GPR158: variants seen among roughly 807,000 people sequenced by gnomAD.
The protein encoded by GPR158 is G protein-coupled receptor 158.
A neutral mutation model predicts 78.2 loss-of-function variants in GPR158; 30 were observed. That is an observed-to-expected ratio of 0.38 (90% CI 0.29 to 0.52). The LOEUF (loss-of-function observed/expected upper bound fraction) is 0.52, where lower values mean the gene tolerates loss of function less well. Among genes scored for constraint, GPR158 ranks in the 20% least tolerant of loss-of-function variants. GPR158 has a pLI of 0.83. For missense variants in GPR158, 1,463 were observed against 1,523.5 expected (o/e 0.96, Z 0.66); for synonymous variants, 581 against 591.1 (o/e 0.98, Z 0.25).
At chr10:25,239,381 T>G in intron 2 of GPR158, among the ~76,000 whole-genome samples, 1 of 151,886 alleles carries the variant, frequency 6.6e-6, no homozygotes, top group Non-Finnish European at 1.5e-5. Flanking sequence ...CAGGCAGATC[T>G]CCTGAGAGAT....
chr10:25,348,188 T>C (rs2130515096), intron 2 of GPR158, among the ~76,000 whole-genome samples: 1 of 152,036 alleles, frequency 6.6e-6, no homozygotes, highest in Admixed American at 6.6e-5. Flanking sequence ...GTAGGTTATA[T>C]AGGTTTTCAT....
At chr10:25,208,060 T>C (rs1223958623) in intron 1 of GPR158, among the ~76,000 whole-genome samples, 2 of 152,188 alleles carry the variant, frequency 1.3e-5, no homozygotes. Flanking sequence ...TAAACACTTG[T>C]AGGAGTTTAA....
chr10:25,517,937 A>G (rs1836204978), intron 5 of GPR158, among the ~76,000 whole-genome samples: 1 of 106,954 alleles, frequency 9.3e-6, no homozygotes, highest in Non-Finnish European at 1.9e-5. Flanking sequence ...GAATAGTTTC[A>G]GAAGGAATGG....
intron 2 of GPR158, among the ~76,000 whole-genome samples, chr10:25,263,145 T>C (rs1392858195): frequency 6.6e-6 from 1 of 152,240 alleles, no homozygotes; most frequent in African/African-American, 2.4e-5. Context: ...GCTTATGTTA[T>C]CCTCAAGGAG....
chr10:25,472,704 T>C (rs1476635265), intron 5 of GPR158, among the ~76,000 whole-genome samples: 2 of 152,216 alleles, frequency 1.3e-5, no homozygotes, highest in Admixed American at 6.5e-5. Context: ...GATTCCTAGG[T>C]ATTTTATTCT....
At chr10:25,244,747 G>T (rs1853667292) in intron 2 of GPR158, 1 of 152,124 alleles carries the variant, frequency 6.6e-6, no homozygotes, top group Non-Finnish European at 1.5e-5. Flanking sequence ...ATACATATTG[G>T]AGGGTTATGA....
chr10:25,205,669 CA>C (rs1317840839), intron 1 of GPR158, among the ~76,000 whole-genome samples: 2 of 152,058 alleles, frequency 1.3e-5, no homozygotes, highest in African/African-American at 4.8e-5. Flanking sequence ...GCCCTAATGT[CA>C]TTGTTTTACC....
intron 2 of GPR158, among the ~76,000 whole-genome samples, chr10:25,291,352 T>C (rs1854433527): frequency 6.6e-6 from 1 of 152,098 alleles, no homozygotes; most frequent in Non-Finnish European, 1.5e-5. Context: ...GATCAATTTC[T>C]GATTTATCGT....
At chr10:25,502,674 A>T (rs975910494) in intron 5 of GPR158, among the ~76,000 whole-genome samples, 1 of 152,180 alleles carries the variant, frequency 6.6e-6, no homozygotes, top group Non-Finnish European at 1.5e-5. Context: ...CACCATCTAT[A>T]GGCAGGACCA....
intron 1 of GPR158, among the ~76,000 whole-genome samples, chr10:25,194,702 A>G (rs909767351): frequency 2.6e-5 from 4 of 152,160 alleles, no homozygotes; most frequent in Non-Finnish European, 5.9e-5. Context: ...TTTAGGAAAT[A>G]AAATCATCAT....
At chr10:25,260,925 A>G (rs1002740991) in intron 2 of GPR158, among the ~76,000 whole-genome samples, 5 of 152,286 alleles carry the variant, frequency 3.3e-5, no homozygotes, top group African/African-American at 9.6e-5. Context: ...AAAGTTTTCA[A>G]TTGGCATTTT....
chr10:25,445,777 CACAG>C (rs1436803137), intron 4 of GPR158, among the ~76,000 whole-genome samples: 6 of 151,908 alleles, frequency 3.9e-5, no homozygotes, highest in African/African-American at 1.4e-4. Context: ...GGGAGACAGA[CACAG>C]ACAGACAGAC....
Position 25,598,029 on chromosome 10 carries a change from A to G in GPR158, c.2403A>G (p.Lys801=). 6.2e-7 allele frequency: 1 copy of G among 1,614,094 alleles called. No individual in the cohort carries two copies. The highest frequency in any genetic ancestry group is 8.5e-7 in the Non-Finnish European group (1 of 1,180,016). ...NPPESSGNTG[K]SKEETLKNRV... ...CAGAGTCTTCAGGGAACACAGGGAAATCCAAGGAGGAGACCCTGAAAAACC... is the reference window on the plus strand; with the variant it reads ...CAGAGTCTTCAGGGAACACAGGGAAGTCCAAGGAGGAGACCCTGAAAAACC... The change falls in exon 11 of 11, where the codon AAA becomes AAG. Residue 801 remains lysine (K), a synonymous_variant. Transcript: ENST00000376351.
chr10:25,516,916 T>A (rs1378207382), intron 5 of GPR158, among the ~76,000 whole-genome samples: 3 of 144,560 alleles, frequency 2.1e-5, no homozygotes, highest in African/African-American at 8.1e-5. Flanking sequence ...AGAAAGTCAT[T>A]GGTAGCTTGA....
intron 2 of GPR158, among the ~76,000 whole-genome samples, chr10:25,346,958 A>G (rs1487980430): frequency 6.6e-6 from 1 of 151,956 alleles, no homozygotes; most frequent in Non-Finnish European, 1.5e-5. Context: ...TGGAAATGTT[A>G]CTTTACCTCC....
intron 5 of GPR158, among the ~76,000 whole-genome samples, chr10:25,476,712 C>A (rs2130630704): frequency 6.6e-6 from 1 of 152,184 alleles, no homozygotes; most frequent in Non-Finnish European, 1.5e-5. Flanking sequence ...GTCTGCTGTT[C>A]TTTTCCTTGC....
At chr10:25,238,392 G>T (rs1853556807) in intron 2 of GPR158, among the ~76,000 whole-genome samples, 1 of 152,172 alleles carries the variant, frequency 6.6e-6, no homozygotes, top group Non-Finnish European at 1.5e-5. Context: ...CAGTATGATT[G>T]TAATGTTAAT....
intron 5 of GPR158, among the ~76,000 whole-genome samples, chr10:25,490,074 C>A (rs1282074617): frequency 3.3e-5 from 5 of 152,058 alleles, no homozygotes; most frequent in Non-Finnish European, 7.4e-5. Flanking sequence ...GGAAACCCAG[C>A]TGGGCAATAT....
chr10:25,415,866 C>T (rs559870592), intron 4 of GPR158, among the ~76,000 whole-genome samples: 1 of 152,044 alleles, frequency 6.6e-6, no homozygotes, highest in South Asian at 2.1e-4. Context: ...GGGGAGTTAC[C>T]ACTAATGAGT....
Sources: allele counts gnomAD v4.1 joint callset (sites outside exome capture counted in the v4.1 genomes callset), GRCh38; gene constraint gnomAD v4.1.1; transcripts MANE v1.5; gene names NCBI Gene and HGNC (gene_info 2026-07-23, HGNC 2026-07-21).